Variants in KCNT2 observed in about 807,000 individuals in gnomAD.
KCNT2 encodes the protein potassium sodium-activated channel subfamily T member 2, also known as potassium channel subfamily T member 2.
Under a neutral mutation model 153.8 loss-of-function variants are expected in KCNT2, and 67 were observed. The ratio of observed to expected loss-of-function variants is 0.44; its 90% CI spans 0.36 to 0.53. The LOEUF is 0.53. Among genes scored for constraint, KCNT2 ranks in the 20% least tolerant of loss-of-function variants. KCNT2 has a pLI of 0.00. For synonymous variants in KCNT2, 500 were observed against 458.8 expected (o/e 1.09, Z -1.15); for missense variants, 975 against 1,354.8 (o/e 0.72, Z 4.40).
chr1:196,571,762 T>C (rs1056630279), intron 1 of KCNT2, among the ~76,000 whole-genome samples: 1 of 152,038 alleles, frequency 6.6e-6, no homozygotes, highest in African/African-American at 2.4e-5. Flanking sequence ...CATGCAGAAA[T>C]TCTTCCACAG....
chr1:196,376,336 A>G lies in KCNT2; in HGVS notation c.1295-3088T>C, dbSNP rs561216314. Among the ~76,000 whole-genome samples, 32 of 152,070 alleles carry G rather than the reference A, an allele frequency of 2.1e-4. No homozygotes were observed. The East Asian group carries it at 4.6e-3, about 22-fold the overall frequency. On this transcript the variant is annotated intron_variant, in intron 13 of 27. Transcript: ENST00000294725. ...TACCAGACACTATATAACATATCCAAGGAACAACCTATTCCTAAAAATATC... is the reference window on the plus strand; with the variant it reads ...TACCAGACACTATATAACATATCCAGGGAACAACCTATTCCTAAAAATATC...
In KCNT2 at chr1:196,346,827, T is replaced by A. The variant is rs77144849; in HGVS notation, c.1404-4599A>T. On this transcript the variant is annotated intron_variant, in intron 14 of 27. Transcript: ENST00000294725. Reference sequence around the variant, plus strand: ...TCACCCAACACCAATTGCAGCAGAATGTAGCAGTGGAACCACTGAGCCCTG... The same window carrying A: ...TCACCCAACACCAATTGCAGCAGAAAGTAGCAGTGGAACCACTGAGCCCTG... Among the ~76,000 whole-genome samples, 129 of 152,318 alleles carry A rather than the reference T, an allele frequency of 8.5e-4. 3 individuals are homozygous for A. The East Asian group carries it at 0.023, about 27-fold the overall frequency.
chr1:196,603,008 G>A lies in KCNT2; in HGVS notation c.95+5207C>T, dbSNP rs371890369. On this transcript the variant is annotated intron_variant, in intron 1 of 27. Coordinates refer to ENST00000294725, the MANE Select transcript of KCNT2 (RefSeq NM_198503.5). ...TCACCTTGTTAGCCAGGATGGTCTC[G>A]ATCTCCTGACCTCATGATCCACCCG... Among the ~76,000 whole-genome samples, 82 of 150,682 alleles carry A rather than the reference G, an allele frequency of 5.4e-4. 1 individual carries two copies. In the East Asian group the frequency reaches 0.014, roughly 27 times the overall value.
chr1:196,320,714 A>G (rs576631292), intron 19 of KCNT2, among the ~76,000 whole-genome samples: 1 of 115,970 alleles, frequency 8.6e-6, no homozygotes, highest in East Asian at 2.0e-4. Flanking sequence ...ACATTTAAAG[A>G]AAAAAAAAAA....
chr1:196,519,820 A>G (rs1193020916), intron 1 of KCNT2, among the ~76,000 whole-genome samples: 1 of 152,142 alleles, frequency 6.6e-6, no homozygotes, highest in African/African-American at 2.4e-5. Context: ...CAATACACAA[A>G]AAAAGCCCAA....
At chr1:196,601,563 C>G (rs926589733) in intron 1 of KCNT2, among the ~76,000 whole-genome samples, 3 of 152,018 alleles carry the variant, frequency 2.0e-5, no homozygotes, top group Non-Finnish European at 4.4e-5. Flanking sequence ...TGATAAAGAC[C>G]AATATATCCA....
intron 1 of KCNT2, among the ~76,000 whole-genome samples, chr1:196,580,503 T>C (rs926908652): frequency 6.6e-6 from 1 of 152,118 alleles, no homozygotes; most frequent in Admixed American, 6.6e-5. Context: ...TGAAACACTA[T>C]CAATAGGTAA....
chr1:196,342,892 C>T (rs937985564), intron 14 of KCNT2, among the ~76,000 whole-genome samples: 5 of 152,060 alleles, frequency 3.3e-5, no homozygotes, highest in African/African-American at 9.7e-5. Context: ...ATCCTAATCC[C>T]ATTATGATGG....
chr1:196,479,431 A>G (rs1466556420), intron 4 of KCNT2, among the ~76,000 whole-genome samples, 193 bp from the exon 5 acceptor site: 2 of 152,194 alleles, frequency 1.3e-5, no homozygotes, highest in Non-Finnish European at 2.9e-5. Context: ...TGTCTCCTGT[A>G]CTACATCTTA....
At chr1:196,597,325 C>T (rs1363798017) in intron 1 of KCNT2, among the ~76,000 whole-genome samples, 2 of 150,266 alleles carry the variant, frequency 1.3e-5, no homozygotes, top group East Asian at 1.9e-4. Context: ...GTACACTGTA[C>T]ACAATATAAT....
At chr1:196,558,107 C>T (rs770569710) in intron 1 of KCNT2, among the ~76,000 whole-genome samples, 7 of 150,804 alleles carry the variant, frequency 4.6e-5, no homozygotes, top group Non-Finnish European at 7.4e-5. Context: ...AATTGTAAGC[C>T]GATATTAAGA....
chr1:196,366,549 C>T (rs1180837807), intron 14 of KCNT2, among the ~76,000 whole-genome samples: 1 of 152,094 alleles, frequency 6.6e-6, no homozygotes, highest in African/African-American at 2.4e-5. Context: ...ACTTATATCT[C>T]AGATATGTGC....
At chr1:196,368,121 G>A (rs1044391654) in intron 14 of KCNT2, among the ~76,000 whole-genome samples, 3 of 152,134 alleles carry the variant, frequency 2.0e-5, no homozygotes, top group African/African-American at 7.2e-5. Context: ...CCTACTTTCA[G>A]TGAGATATTA....
At chr1:196,521,718 T>C (rs929120226) in intron 1 of KCNT2, among the ~76,000 whole-genome samples, 2 of 152,042 alleles carry the variant, frequency 1.3e-5, no homozygotes, top group Non-Finnish European at 2.9e-5. Flanking sequence ...AAAAACCATA[T>C]GTTCTCACAA....
intron 12 of KCNT2, among the ~76,000 whole-genome samples, chr1:196,401,267 C>T (rs147026830): frequency 1.3e-5 from 2 of 151,756 alleles, no homozygotes; most frequent in African/African-American, 2.4e-5. Context: ...TCCAAGCCTC[C>T]GCAACATAAC....
intron 8 of KCNT2, among the ~76,000 whole-genome samples, chr1:196,449,478 G>A (rs1675967256): frequency 6.6e-6 from 1 of 151,636 alleles, no homozygotes; most frequent in Admixed American, 6.6e-5. Flanking sequence ...TGCAAAGCAA[G>A]ATGTTAGTGG....
intron 1 of KCNT2, among the ~76,000 whole-genome samples, chr1:196,512,384 T>C (rs1558026876): frequency 6.6e-6 from 1 of 152,164 alleles, no homozygotes; most frequent in Non-Finnish European, 1.5e-5. Flanking sequence ...TTAAGCTGTC[T>C]ACTCAATATT....
At chr1:196,337,114 A>G (rs1665114567) in intron 16 of KCNT2, among the ~76,000 whole-genome samples, 1 of 152,058 alleles carries the variant, frequency 6.6e-6, no homozygotes. Flanking sequence ...ACTTCCTGTT[A>G]GACATCTTCA....
intron 3 of KCNT2, 144 bp from the exon 4 acceptor site, chr1:196,482,523 C>T: frequency 2.0e-6 from 1 of 511,818 alleles, no homozygotes; most frequent in Non-Finnish European, 3.4e-6. Context: ...AACGTTGTTG[C>T]CTTAGTTTTC....
Sources: gnomAD v4.1 joint callset for allele counts (sites outside exome capture counted in the v4.1 genomes callset) on GRCh38, gnomAD v4.1.1 for gene constraint, MANE v1.5 for transcripts, NCBI Gene and HGNC (gene_info 2026-07-23, HGNC 2026-07-21) for gene names.